The following POFUT3 variants were observed in gnomAD, a reference collection of about 807,000 sequenced individuals.
POFUT3 encodes the protein GDP-fucose protein O-fucosyltransferase 3.
At chr8:33,442,684 T>C in the POFUT3 span, among the ~76,000 whole-genome samples, 2 of 151,694 alleles carry the variant, frequency 1.3e-5, no homozygotes, top group African/African-American at 4.8e-5. Flanking sequence ...GGTCTCGAAC[T>C]CTTGGGCTCA....
chr8:33,326,458 C>T, the POFUT3 span, among the ~76,000 whole-genome samples: 40,548 of 151,978 alleles, frequency 0.27, 5,830 homozygotes, highest in South Asian at 0.5. Context: ...TTACATATAG[C>T]TCATTTAATT....
At chr8:33,449,826 T>C in the POFUT3 span, among the ~76,000 whole-genome samples, 2 of 152,058 alleles carry the variant, frequency 1.3e-5, no homozygotes, top group African/African-American at 4.8e-5. Flanking sequence ...CATGCTGTTC[T>C]TCATACTGAA....
the POFUT3 span, among the ~76,000 whole-genome samples, chr8:33,454,277 T>A: frequency 6.6e-6 from 1 of 152,188 alleles, no homozygotes. Flanking sequence ...CTCTTTCTTG[T>A]TTCTCTTTTA....
the POFUT3 span, among the ~76,000 whole-genome samples, chr8:33,451,005 T>A: frequency 1.1e-4 from 16 of 151,730 alleles, no homozygotes; most frequent in Middle Eastern, 3.4e-3. Flanking sequence ...AGATTCTATA[T>A]GCTTCCAGAG....
chr8:33,367,666 T>C, the POFUT3 span, among the ~76,000 whole-genome samples: 2 of 151,984 alleles, frequency 1.3e-5, no homozygotes, highest in African/African-American at 4.8e-5. Context: ...CAAGATTTAA[T>C]AAAATTCATC....
At chr8:33,380,217 A>G in the POFUT3 span, among the ~76,000 whole-genome samples, 2 of 51,560 alleles carry the variant, frequency 3.9e-5, no homozygotes, top group South Asian at 1.1e-3. Flanking sequence ...TATATATACT[A>G]TATATATATA....
chr8:33,385,517 A>G, the POFUT3 span, among the ~76,000 whole-genome samples: 7 of 152,304 alleles, frequency 4.6e-5, no homozygotes, highest in East Asian at 1.4e-3. Flanking sequence ...AGGCAACCAC[A>G]GGCTCCTAAG....
the POFUT3 span, among the ~76,000 whole-genome samples, chr8:33,338,311 C>T: frequency 6.6e-6 from 1 of 151,886 alleles, no homozygotes; most frequent in Admixed American, 6.6e-5. Context: ...GTGAATTCTA[C>T]CCAATTTTTT....
chr8:33,326,297 C>A, the POFUT3 span, among the ~76,000 whole-genome samples: 1 of 152,066 alleles, frequency 6.6e-6, no homozygotes, highest in African/African-American at 2.4e-5. Context: ...TACACTGGGG[C>A]TCCAGCATGG....
chr8:33,398,907 A>T, the POFUT3 span, among the ~76,000 whole-genome samples: 4 of 152,126 alleles, frequency 2.6e-5, no homozygotes, highest in Non-Finnish European at 4.4e-5. Context: ...TTTTTTCCAC[A>T]AATTTTGATT....
At chr8:33,309,167 A>AAAAAAATAT in the POFUT3 span, among the ~76,000 whole-genome samples, 2 of 53,686 alleles carry the variant, frequency 3.7e-5, no homozygotes, top group Non-Finnish European at 3.1e-5. Context: ...AAAAAAAAAA[A>AAAAAAATAT]ATATATATAT....
the POFUT3 span, among the ~76,000 whole-genome samples, chr8:33,324,248 G>A: frequency 6.6e-6 from 1 of 152,196 alleles, no homozygotes; most frequent in Non-Finnish European, 1.5e-5. Flanking sequence ...AGGGAGGCTG[G>A]AAATGTCACC....
At chr8:33,417,642 A>AC in the POFUT3 span, among the ~76,000 whole-genome samples, 1 of 152,190 alleles carries the variant, frequency 6.6e-6, no homozygotes, top group African/African-American at 2.4e-5. Flanking sequence ...GGGTTAGGGA[A>AC]CAACAAGTCC....
the POFUT3 span, among the ~76,000 whole-genome samples, chr8:33,328,415 A>G: frequency 8.6e-5 from 13 of 152,030 alleles, no homozygotes; most frequent in Non-Finnish European, 1.8e-4. Flanking sequence ...TCACTTTTTC[A>G]AAATTCCCCA....
At chr8:33,348,289 T>A in the POFUT3 span, among the ~76,000 whole-genome samples, 1 of 143,586 alleles carries the variant, frequency 7.0e-6, no homozygotes, top group Admixed American at 6.9e-5. Flanking sequence ...TGAAGGAAAC[T>A]GAAGAAAGAA....
At chr8:33,327,041 G>C in the POFUT3 span, among the ~76,000 whole-genome samples, 1 of 152,160 alleles carries the variant, frequency 6.6e-6, no homozygotes, top group South Asian at 2.1e-4. Context: ...GCGTCCCAAA[G>C]TGCTGGGATT....
the POFUT3 span, among the ~76,000 whole-genome samples, chr8:33,316,870 A>G: frequency 4.6e-5 from 7 of 152,210 alleles, no homozygotes; most frequent in Admixed American, 1.3e-4. Flanking sequence ...CTTCCTTCCC[A>G]TGATCCTATG....
chr8:33,378,304 A>G, the POFUT3 span, among the ~76,000 whole-genome samples: 2 of 152,178 alleles, frequency 1.3e-5, no homozygotes, highest in Non-Finnish European at 2.9e-5. Flanking sequence ...CCCAGATCCA[A>G]GGGAAAAATC....
chr8:33,420,971 G>T, the POFUT3 span, among the ~76,000 whole-genome samples: 4 of 151,776 alleles, frequency 2.6e-5, no homozygotes, highest in East Asian at 7.7e-4. Context: ...ATATATATAT[G>T]TTCATATTAA....
Sources: allele counts gnomAD v4.1 joint callset (sites outside exome capture counted in the v4.1 genomes callset), GRCh38; gene constraint gnomAD v4.1.1; transcripts MANE v1.5; gene names NCBI Gene and HGNC (gene_info 2026-07-23, HGNC 2026-07-21).